Variants in PARG observed in about 807,000 individuals in gnomAD.
PARG encodes the protein mitochondrial poly(ADP-ribose) glycohydrolase.
In PARG, 35 loss-of-function variants were observed where a neutral mutation model predicts 113.0. The observed-to-expected ratio is 0.31, with a 90% confidence interval of 0.24 to 0.41. The LOEUF (loss-of-function observed/expected upper bound fraction) is 0.41. PARG is among the 10% of genes least tolerant of loss of function. The pLI is 1.00. For missense variants in PARG, 797 were observed against 1,169.4 expected, an observed-to-expected ratio of 0.68 and a Z score of 4.64; for synonymous variants, 330 against 409.9, an observed-to-expected ratio of 0.81 and a Z score of 2.36.
At chr10:49,857,901 G>A (rs2132524237) in intron 12 of PARG, among the ~76,000 whole-genome samples, 1 of 98,116 alleles carries the variant, frequency 1.0e-5, no homozygotes, top group East Asian at 2.6e-4. Context: ...TTGCCCTAAA[G>A]AACTGAAAAG....
chr10:49,879,473 C>T (rs1432504189), intron 9 of PARG, among the ~76,000 whole-genome samples, 200 bp downstream of exon 9: 1 of 150,566 alleles, frequency 6.6e-6, no homozygotes, highest in Admixed American at 6.6e-5. Context: ...GCTCCTGGAT[C>T]CTAATCAAGT....
chr10:49,889,383 T>C (rs1405853245), intron 7 of PARG, among the ~76,000 whole-genome samples: 2 of 152,186 alleles, frequency 1.3e-5, no homozygotes, highest in African/African-American at 2.4e-5. Flanking sequence ...TTACCAGCAA[T>C]TGAGGGTAAA....
chr10:49,938,209 C>G (rs1310834297), intron 1 of PARG, among the ~76,000 whole-genome samples: 1 of 152,152 alleles, frequency 6.6e-6, no homozygotes, highest in Non-Finnish European at 1.5e-5. Context: ...GCTAACAACA[C>G]CTACTTCTAA....
At chr10:49,892,853 A>C (rs1351556408) in intron 7 of PARG, among the ~76,000 whole-genome samples, 4 of 152,138 alleles carry the variant, frequency 2.6e-5, no homozygotes, top group Non-Finnish European at 2.9e-5. Context: ...AGGCCAAGCC[A>C]AGTGGATCAC....
At chr10:49,922,834 C>T (rs753724655) in intron 4 of PARG, among the ~76,000 whole-genome samples, 165 bp from the exon 5 acceptor site, 3 of 152,218 alleles carry the variant, frequency 2.0e-5, no homozygotes, top group Non-Finnish European at 4.4e-5. Flanking sequence ...CTCCATTCAA[C>T]CAGGTCCAAG....
chr10:49,890,383 C>T (rs1554841241), intron 7 of PARG, among the ~76,000 whole-genome samples: 4 of 152,138 alleles, frequency 2.6e-5, no homozygotes, highest in Admixed American at 2.6e-4. Flanking sequence ...AATTATACTG[C>T]TATTTTGCCT....
chr10:49,930,613 A>G (rs1309191383), intron 4 of PARG, among the ~76,000 whole-genome samples: 61 of 152,268 alleles, frequency 4.0e-4, no homozygotes, highest in Admixed American at 1.6e-3. Flanking sequence ...TAAATCTTAT[A>G]TATCTGTCTG....
chr10:49,904,840 C>T (rs1163180070), intron 7 of PARG, among the ~76,000 whole-genome samples: 1 of 152,040 alleles, frequency 6.6e-6, no homozygotes, highest in Non-Finnish European at 1.5e-5. Context: ...CGCTTGAACC[C>T]AGGAGGCGGA....
intron 8 of PARG, among the ~76,000 whole-genome samples, chr10:49,881,599 G>A (rs1347786662): frequency 1.3e-5 from 2 of 151,996 alleles, no homozygotes; most frequent in Non-Finnish European, 2.9e-5. Context: ...CCTCAGGAGT[G>A]GACACCCAGA....
At position 49,878,352 on chromosome 10, in the gene PARG, T is replaced by TCA. The variant is rs555294645; in HGVS notation, c.1988+1319_1988+1320dup. On this transcript the variant is annotated intron_variant, in intron 9 of 17. Transcript: ENST00000616448. ...GTAGAATCAGACTGGGTGCAGTGGCTCACACCTGTAATCCCAGCACTTTGG... is the reference window on the plus strand; with the variant it reads ...GTAGAATCAGACTGGGTGCAGTGGCTCACACACCTGTAATCCCAGCACTTTGG... Among the ~76,000 whole-genome samples the TCA allele has an allele frequency of 3.6e-3, 520 of 145,450 alleles. 1 individual carries two copies. The highest frequency in any genetic ancestry group is 0.012 in the African/African-American group (479 of 39,210).
intron 7 of PARG, among the ~76,000 whole-genome samples, chr10:49,907,259 A>G (rs1275240067): frequency 6.6e-6 from 1 of 152,202 alleles, no homozygotes; most frequent in Non-Finnish European, 1.5e-5. Flanking sequence ...TTAACACACT[A>G]TAAAGAAAAA....
At chr10:49,820,534 C>T (rs959734460) in intron 16 of PARG, among the ~76,000 whole-genome samples, 1 of 151,748 alleles carries the variant, frequency 6.6e-6, no homozygotes, top group Non-Finnish European at 1.5e-5. Flanking sequence ...CCAGCCTGGC[C>T]AACATGGTGA....
chr10:49,859,196 C>G (rs1846137968), intron 12 of PARG, among the ~76,000 whole-genome samples: 1 of 143,638 alleles, frequency 7.0e-6, no homozygotes, highest in Non-Finnish European at 1.5e-5. Flanking sequence ...GAATGGTAAA[C>G]AGATTCATTG....
intron 6 of PARG, among the ~76,000 whole-genome samples, chr10:49,917,934 T>C (rs560620074): frequency 4.9e-4 from 74 of 151,820 alleles, no homozygotes; most frequent in Admixed American, 2.0e-4. Context: ...TGTGTATCAA[T>C]AGGTGAAGGA....
At chr10:49,874,597 G>A (rs1290892361) in intron 9 of PARG, among the ~76,000 whole-genome samples, 2 of 151,346 alleles carry the variant, frequency 1.3e-5, no homozygotes, top group East Asian at 3.9e-4. Flanking sequence ...GCTGATGCCT[G>A]TAATCCCAGC....
intron 7 of PARG, among the ~76,000 whole-genome samples, chr10:49,895,273 C>T (rs1394713309): frequency 5.3e-5 from 8 of 152,136 alleles, no homozygotes; most frequent in African/African-American, 1.2e-4. Context: ...GCAAACTCTG[C>T]CCTTCTTATT....
intron 7 of PARG, among the ~76,000 whole-genome samples, chr10:49,915,120 A>G (rs2132841702): frequency 6.6e-6 from 1 of 152,214 alleles, no homozygotes; most frequent in South Asian, 2.1e-4. Context: ...CAGAAGAAAA[A>G]AAATGATAAA....
chr10:49,932,308 G>C (rs1838531988), intron 3 of PARG, 25 bp from the exon 4 acceptor site: 2 of 1,362,230 alleles, frequency 1.5e-6, no homozygotes, highest in African/African-American at 2.8e-5. Flanking sequence ...AATGTATTTA[G>C]TCACAAATTA....
rs576598574 is a variant in PARG, at chr10:49,857,367, C to T, written c.2292G>A (p.Glu764=). 313 of 1,319,272 alleles carry T rather than the reference C, an allele frequency of 2.4e-4. 5 individuals are homozygous for T. The African/African-American group carries it at 4.0e-3, about 17-fold the overall frequency. The allele number at this position is 1,319,272 out of a possible 1,614,324, so 81.7% of individuals were successfully genotyped here. A position where few individuals can be genotyped will look rare whatever the true frequency, so the allele number is the denominator to read the frequency against. ...CAGTGAAGAGCCGTGAAATAATCAA[C>T]TCAGGATTGATTAAAAAGCGGATTT... ...QEEIRFLINP[E]LIISRLFTEV... is the part of the protein sequence containing the mutation. The change falls in exon 13 of 18, where the codon GAG becomes GAA. Residue 764 remains glutamate (E), a synonymous_variant. Coordinates refer to ENST00000616448, the MANE Select transcript of PARG (RefSeq NM_003631.5).
Sources: gnomAD v4.1 joint callset for allele counts (sites outside exome capture counted in the v4.1 genomes callset) on GRCh38, gnomAD v4.1.1 for gene constraint, MANE v1.5 for transcripts, NCBI Gene and HGNC (gene_info 2026-07-23, HGNC 2026-07-21) for gene names.